RAB38: variants seen among roughly 807,000 people sequenced by gnomAD.
RAB38 encodes the protein RAB38, member RAS oncogene family.
Under a neutral mutation model 18.4 loss-of-function variants are expected in RAB38, and 15 were observed. That is an observed-to-expected ratio of 0.82 (90% confidence interval 0.55 to 1.26). The LOEUF (loss-of-function observed/expected upper bound fraction) is 1.26, where lower values mean the gene tolerates loss of function less well. Ranked by LOEUF, RAB38 falls within the 50% of genes most tolerant of loss-of-function variation. The pLI is 0.00. For synonymous variants in RAB38, 101 were observed against 104.4 expected (o/e 0.97, Z 0.20); for missense variants, 294 against 267.4 (o/e 1.10, Z -0.69).
the RAB38 span, among the ~76,000 whole-genome samples, chr11:87,886,236 G>A: frequency 6.6e-6 from 1 of 151,796 alleles, no homozygotes; most frequent in African/African-American, 2.4e-5. Flanking sequence ...TGACTCCGCC[G>A]GACTTTGTCG....
At chr11:87,967,773 C>A in the RAB38 span, among the ~76,000 whole-genome samples, 3 of 152,290 alleles carry the variant, frequency 2.0e-5, no homozygotes, top group South Asian at 2.1e-4. Flanking sequence ...GTGAGCTCAT[C>A]TCAGTTTCTT....
chr11:87,836,714 T>A, the RAB38 span, among the ~76,000 whole-genome samples: 10 of 152,188 alleles, frequency 6.6e-5, no homozygotes, highest in Non-Finnish European at 1.5e-4. Flanking sequence ...TGTGGCATAG[T>A]TTACTCAGTT....
chr11:87,809,128 A>T, the RAB38 span, among the ~76,000 whole-genome samples: 1 of 152,202 alleles, frequency 6.6e-6, no homozygotes, highest in South Asian at 2.1e-4. Flanking sequence ...AAGTAATTTC[A>T]TTTAACGTAA....
At chr11:87,939,377 C>CAT in the RAB38 span, among the ~76,000 whole-genome samples, 17 of 112,154 alleles carry the variant, frequency 1.5e-4, no homozygotes, top group Admixed American at 2.0e-4. Context: ...CACACACATA[C>CAT]ATACACACAC....
At position 88,175,440 on chromosome 11, in the gene RAB38, G is replaced by C; in HGVS notation, c.-56C>G. 1 of 1,586,960 alleles carries C rather than the reference G, an allele frequency of 6.3e-7. No individual in the cohort carries two copies. Among genetic ancestry groups the C allele is most frequent in the Non-Finnish European group, 8.6e-7 (1 of 1,159,308 alleles). ...ACCAGGGAAGCGCAGCCTGGGCTCT[G>C]CGCACGAGAGAGACTTGGGGAGCGC... On this transcript the variant is annotated 5_prime_UTR_variant, in exon 1 of 3. Coordinates refer to ENST00000243662, the MANE Select transcript of RAB38 (RefSeq NM_022337.3).
the RAB38 span, among the ~76,000 whole-genome samples, chr11:88,023,096 C>A: frequency 6.6e-6 from 1 of 151,710 alleles, no homozygotes. Flanking sequence ...TACAACAAAC[C>A]CTGATGACAT....
the RAB38 span, among the ~76,000 whole-genome samples, chr11:88,004,465 G>T: frequency 0.02 from 3,045 of 151,134 alleles, 93 homozygotes; most frequent in African/African-American, 0.067. Flanking sequence ...GAAATATAAG[G>T]AAAGTTCCTC....
chr11:88,160,787 C>A (rs1943180448), intron 1 of RAB38, among the ~76,000 whole-genome samples: 1 of 151,964 alleles, frequency 6.6e-6, no homozygotes, highest in Non-Finnish European at 1.5e-5. Context: ...CATCAGGTAA[C>A]CATGGACATG....
downstream of RAB38, among the ~76,000 whole-genome samples, chr11:88,111,517 G>A (rs1215624447): frequency 6.6e-6 from 1 of 152,186 alleles, no homozygotes. Flanking sequence ...TGGAAAACCT[G>A]AAGTTCTGGC....
the RAB38 span, among the ~76,000 whole-genome samples, chr11:88,015,259 G>A: frequency 3.9e-5 from 6 of 152,208 alleles, no homozygotes; most frequent in East Asian, 3.9e-4. Flanking sequence ...GTTCTCAAAC[G>A]TGCTGAGTAA....
chr11:88,077,302 TA>T, the RAB38 span, among the ~76,000 whole-genome samples: 1 of 151,950 alleles, frequency 6.6e-6, no homozygotes, highest in East Asian at 1.9e-4. Flanking sequence ...CTAAAAATCC[TA>T]AAATTTATAT....
chr11:87,953,024 T>TAAAAATTCTA, the RAB38 span, among the ~76,000 whole-genome samples: 1 of 152,156 alleles, frequency 6.6e-6, no homozygotes, highest in Non-Finnish European at 1.5e-5. Flanking sequence ...AATAACTTTT[T>TAAAAATTCTA]AAAAATTCTA....
the RAB38 span, among the ~76,000 whole-genome samples, chr11:87,888,094 G>A: frequency 6.6e-6 from 1 of 151,748 alleles, no homozygotes; most frequent in African/African-American, 2.4e-5. Context: ...ATGTACCAAA[G>A]GAAGATTTTT....
At chr11:88,080,885 A>T in the RAB38 span, among the ~76,000 whole-genome samples, 15 of 151,720 alleles carry the variant, frequency 9.9e-5, no homozygotes, top group African/African-American at 3.6e-4. Flanking sequence ...GAGGAAGAGA[A>T]AGAAAAGAAA....
downstream of RAB38, among the ~76,000 whole-genome samples, chr11:88,112,788 AAC>A (rs1192347972): frequency 1.7e-5 from 2 of 115,518 alleles, no homozygotes; most frequent in African/African-American, 8.7e-5. Flanking sequence ...CAACAACAAC[AAC>A]AAAATATATA....
At chr11:88,038,620 C>A in the RAB38 span, among the ~76,000 whole-genome samples, 5,081 of 152,192 alleles carry the variant, frequency 0.033, 227 homozygotes, top group South Asian at 0.075. Flanking sequence ...ATAGAACACA[C>A]AACTTTACCT....
At chr11:87,887,335 T>C in the RAB38 span, among the ~76,000 whole-genome samples, 1 of 151,990 alleles carries the variant, frequency 6.6e-6, no homozygotes, top group Non-Finnish European at 1.5e-5. Context: ...CCTTGCCCTC[T>C]TCTTCCTTCA....
chr11:88,159,758 G>C (rs1422121831), intron 1 of RAB38, among the ~76,000 whole-genome samples: 2 of 151,966 alleles, frequency 1.3e-5, no homozygotes, highest in East Asian at 3.9e-4. Context: ...AGTGGTGCTG[G>C]GATAGCTGCC....
At chr11:87,968,319 C>T in the RAB38 span, among the ~76,000 whole-genome samples, 1 of 152,122 alleles carries the variant, frequency 6.6e-6, no homozygotes, top group African/African-American at 2.4e-5. Context: ...TTTCTTTATT[C>T]CTTTTAGTAT....
Sources: allele counts gnomAD v4.1 joint callset (sites outside exome capture counted in the v4.1 genomes callset), GRCh38; gene constraint gnomAD v4.1.1; transcripts MANE v1.5; gene names NCBI Gene and HGNC (gene_info 2026-07-23, HGNC 2026-07-21).